The following CDK13 variants were observed in gnomAD, a reference collection of about 807,000 sequenced individuals.
CDK13 encodes the protein cyclin-dependent kinase 13.
CDK13 carries 40 observed loss-of-function variants against 137.6 expected under a neutral mutation model. That is an observed-to-expected ratio of 0.29 (90% CI 0.23 to 0.38). The LOEUF (loss-of-function observed/expected upper bound fraction) is 0.38, where lower values mean the gene tolerates loss of function less well. Among genes scored for constraint, CDK13 ranks in the 10% least tolerant of loss-of-function variants. The pLI is 1.00. For missense variants in CDK13, 1,704 were observed against 1,951.8 expected (o/e 0.87, Z 2.39); for synonymous variants, 869 against 760.1 (o/e 1.14, Z -2.36).
At chr7:40,064,957 A>ATTTTTTTTTTTT (rs56710188) in intron 9 of CDK13, among the ~76,000 whole-genome samples, 1 of 46,102 alleles carries the variant, frequency 2.2e-5, no homozygotes, top group Non-Finnish European at 4.0e-5. Flanking sequence ...ATGCTGGGTG[A>ATTTTTTTTTTTT]TTTTTTTTTT....
At chr7:40,088,555 G>A (rs932274286) in intron 12 of CDK13, among the ~76,000 whole-genome samples, 41 of 152,118 alleles carry the variant, frequency 2.7e-4, no homozygotes, top group Admixed American at 2.3e-3. Flanking sequence ...TACCTGACTG[G>A]CAAGTCCTCG....
At position 40,094,698 on chromosome 7, in the gene CDK13, T is replaced by C. The variant is rs763098450; in HGVS notation, c.4257T>C (p.Phe1419=). 56 of 1,614,080 alleles carry C rather than the reference T, an allele frequency of 3.5e-5. No individual in the cohort carries two copies. The highest frequency in any genetic ancestry group is 4.6e-5 in the Non-Finnish European group (54 of 1,180,034). ...ACCTCAATGCTGGTCCCATGTTGTT[T>C]AGTGGAGACAAGGACCATAGATTTG... The part of the protein sequence containing the change: ...DIYLNAGPML[F]SGDKDHRFEY... The change falls in exon 14 of 14, where the codon TTT becomes TTC. Residue 1419 remains phenylalanine (F), a synonymous_variant. Coordinates refer to ENST00000181839, the MANE Select transcript of CDK13 (RefSeq NM_003718.5).
chr7:40,029,064 T>A (rs901514055), intron 5 of CDK13, among the ~76,000 whole-genome samples: 11 of 146,442 alleles, frequency 7.5e-5, no homozygotes, highest in South Asian at 2.1e-4. Context: ...TATTGGAAAA[T>A]TTTTTTTTTT....
At chr7:39,954,597 C>T (rs555739843) in intron 1 of CDK13, among the ~76,000 whole-genome samples, 2 of 152,106 alleles carry the variant, frequency 1.3e-5, no homozygotes, top group Non-Finnish European at 2.9e-5. Flanking sequence ...TTAATGTGGG[C>T]TTTGTATTAC....
At chr7:40,028,479 A>G (rs1401622143) in intron 5 of CDK13, among the ~76,000 whole-genome samples, 1 of 152,012 alleles carries the variant, frequency 6.6e-6, no homozygotes, top group African/African-American at 2.4e-5. Context: ...TGGCCTCCCA[A>G]AGTGCTGGGA....
chr7:40,079,945 G>C (rs1213768974), intron 11 of CDK13, among the ~76,000 whole-genome samples: 1 of 152,054 alleles, frequency 6.6e-6, no homozygotes, highest in Non-Finnish European at 1.5e-5. Flanking sequence ...TGCATTCCTT[G>C]ACAGGATCTA....
chr7:40,049,882 C>T (rs1247961191), intron 7 of CDK13, among the ~76,000 whole-genome samples: 1 of 152,144 alleles, frequency 6.6e-6, no homozygotes, highest in Non-Finnish European at 1.5e-5. Context: ...ATGCGCTTCA[C>T]GTTCATCCAT....
chr7:40,034,273 G>T (rs1209206586), intron 5 of CDK13, among the ~76,000 whole-genome samples: 1 of 152,172 alleles, frequency 6.6e-6, no homozygotes, highest in Non-Finnish European at 1.5e-5. Flanking sequence ...TCTGTATCCT[G>T]AACCTGCCTG....
intron 5 of CDK13, among the ~76,000 whole-genome samples, chr7:40,002,992 T>A (rs1784716928): frequency 6.6e-6 from 1 of 151,624 alleles, no homozygotes; most frequent in Non-Finnish European, 1.5e-5. Flanking sequence ...GGCAGGAGGA[T>A]CTCTTGAGTG....
intron 7 of CDK13, among the ~76,000 whole-genome samples, chr7:40,059,553 TTTA>T (rs1481065578): frequency 2.0e-5 from 3 of 152,134 alleles, no homozygotes; most frequent in Non-Finnish European, 4.4e-5. Flanking sequence ...GAGATGGAGT[TTTA>T]CCATCTTGGC....
intron 1 of CDK13, among the ~76,000 whole-genome samples, chr7:39,965,650 TC>T (rs1783854964): frequency 2.6e-5 from 4 of 152,328 alleles, no homozygotes; most frequent in Admixed American, 2.6e-4. Context: ...GTGAATTTGA[TC>T]CTGTCATTAT....
chr7:39,976,354 CACACAGAA>C (rs1356656772), intron 1 of CDK13, among the ~76,000 whole-genome samples: 1 of 149,852 alleles, frequency 6.7e-6, no homozygotes, highest in Non-Finnish European at 1.5e-5. Context: ...CACACACACA[CACACAGAA>C]ACAAATGGAG....
intron 1 of CDK13, among the ~76,000 whole-genome samples, chr7:39,959,223 G>A (rs1226964999): frequency 6.0e-5 from 9 of 150,514 alleles, no homozygotes; most frequent in Non-Finnish European, 1.3e-4. Context: ...CTGGAATGGT[G>A]CGATCTCGGC....
Position 40,093,230 on chromosome 7 carries a change from G to A in CDK13, c.3681G>A (p.Pro1227=), listed in dbSNP as rs759140164. 4 of 1,610,326 alleles carry A rather than the reference G, an allele frequency of 2.5e-6. No homozygotes were observed. The highest frequency in any genetic ancestry group is 2.2e-5 in the South Asian group (2 of 90,596). The change falls in exon 13 of 14, where the codon CCG becomes CCA. Residue 1227 remains proline, a synonymous_variant. Coordinates refer to ENST00000181839, the MANE Select transcript of CDK13 (RefSeq NM_003718.5). The part of the protein sequence containing the change: ...QLRPPPEPST[P]VSGQDDLIQH... The stretch of plus-strand genomic sequence containing the variant: ...GGCCACCTCCAGAACCTAGCACTCC[G>A]GTGTCGGGTAAGTGTGCAGATACCA...
chr7:40,023,252 C>T (rs1226056410), intron 5 of CDK13, among the ~76,000 whole-genome samples: 2 of 151,936 alleles, frequency 1.3e-5, no homozygotes, highest in African/African-American at 4.8e-5. Context: ...GCCATCATGC[C>T]CAGCTAATTT....
chr7:40,011,429 T>G (rs1784892041), intron 5 of CDK13, among the ~76,000 whole-genome samples: 1 of 152,202 alleles, frequency 6.6e-6, no homozygotes, highest in African/African-American at 2.4e-5. Context: ...GGTACTGGCA[T>G]TATGATAAAC....
At position 39,951,861 on chromosome 7, in the gene CDK13, T is replaced by A; in HGVS notation, c.1211+9T>A. 1 of 1,356,586 alleles carries A rather than the reference T, an allele frequency of 7.4e-7. No homozygotes were observed. Among genetic ancestry groups the A allele is most frequent in the Non-Finnish European group, 9.5e-7 (1 of 1,053,208 alleles). The allele number at this position is 1,356,586 out of a possible 1,614,324, so 84.0% of individuals were successfully genotyped here. On this transcript the variant is annotated intron_variant, in intron 1 of 13. Transcript: ENST00000181839. Reference sequence around the variant, plus strand: ...TACAGCCCTGTGCTCAGGTGAGTTCTGCCGTTCTGCCTGTGTGTGCCTTGG... The same window carrying A: ...TACAGCCCTGTGCTCAGGTGAGTTCAGCCGTTCTGCCTGTGTGTGCCTTGG...
intron 5 of CDK13, among the ~76,000 whole-genome samples, chr7:40,034,841 T>C (rs1785449360): frequency 6.6e-6 from 1 of 152,216 alleles, no homozygotes; most frequent in Non-Finnish European, 1.5e-5. Context: ...TAGTACTTTC[T>C]TGAAAACTGG....
At chr7:40,050,868 A>G (rs1785871826) in intron 7 of CDK13, among the ~76,000 whole-genome samples, 1 of 152,206 alleles carries the variant, frequency 6.6e-6, no homozygotes, top group Non-Finnish European at 1.5e-5. Context: ...AAAACAGCTA[A>G]TTACCATTTT....
Sources: gnomAD v4.1 joint callset for allele counts (sites outside exome capture counted in the v4.1 genomes callset) on GRCh38, gnomAD v4.1.1 for gene constraint, MANE v1.5 for transcripts, NCBI Gene and HGNC (gene_info 2026-07-23, HGNC 2026-07-21) for gene names.